FUS: variants seen among roughly 807,000 people sequenced by gnomAD.
The protein encoded by FUS is RNA-binding protein FUS.
Under a neutral mutation model 82.7 loss-of-function variants are expected in FUS, and 5 were observed. The observed-to-expected ratio is 0.06, with a 90% CI of 0.03 to 0.13. The LOEUF is 0.13. Among genes scored for constraint, FUS ranks in the 10% least tolerant of loss-of-function variants. The pLI is 1.00. For missense variants in FUS, 512 were observed against 707.8 expected (o/e 0.72, Z 3.14); for synonymous variants, 281 against 247.4 (o/e 1.14, Z -1.27).
chr16:31,181,794 C>G (rs946282731), intron 1 of FUS, among the ~76,000 whole-genome samples: 5 of 152,198 alleles, frequency 3.3e-5, no homozygotes, highest in African/African-American at 9.7e-5. Context: ...AGAGCAATCA[C>G]TGACATGAAT....
At chr16:31,192,297 G>T (rs1463053679), downstream of FUS, 4 of 527,214 alleles carry the variant, frequency 7.6e-6, no homozygotes, top group Non-Finnish European at 1.5e-5. Context: ...GTGATAAGAG[G>T]GGGAAGGGGT....
intron 9 of FUS, among the ~76,000 whole-genome samples, 161 bp from the exon 10 acceptor site, chr16:31,189,504 C>T (rs935904938): frequency 1.3e-5 from 2 of 152,108 alleles, no homozygotes; most frequent in South Asian, 4.1e-4. Context: ...GAGTGAGAGA[C>T]AGTTTTCTTT....
Position 31,190,392 on chromosome 16 carries a change from C to G in FUS, c.1286C>G (p.Pro429Arg). ...CAGCGAGCTGGTGACTGGAAGTGTC[C>G]TAATCCGTGAGTGAAACTTAATTTT... ...GQQRAGDWKC[P>R]NPTCENMNFS... The change falls in exon 12 of 15, where the codon CCT becomes CGT. Residue 429 changes from proline (P) to arginine (R), a missense_variant. Pro to Arg is a moderately radical substitution (Grantham distance 103). Transcript: ENST00000254108. 1 of 1,614,124 alleles carries G rather than the reference C, an allele frequency of 6.2e-7. No homozygotes were observed. Among genetic ancestry groups the G allele is most frequent in the South Asian group, 1.1e-5 (1 of 91,074 alleles).
Position 31,190,754 on chromosome 16 carries a change from T to C in FUS, c.1305T>C (p.Asn435=), listed in dbSNP as rs1426620895. ...CCTTTCTCCTTAGCACCTGTGAGAA[T>C]ATGAACTTCTCTTGGAGGAATGAAT... ...DWKCPNPTCE[N]MNFSWRNECN... Residue 435 remains asparagine (N), a synonymous_variant, in exon 13 of 15, where the codon AAT becomes AAC. Transcript: ENST00000254108. 1.2e-6 allele frequency: 2 copies of C among 1,613,956 alleles called. No homozygotes were observed. Among genetic ancestry groups the C allele is most frequent in the Non-Finnish European group, 1.7e-6 (2 of 1,179,934 alleles).
intron 14 of FUS, 107 bp from the exon 15 acceptor site, chr16:31,191,292 T>C (rs1326953435): frequency 6.6e-7 from 1 of 1,516,244 alleles, no homozygotes; most frequent in African/African-American, 1.4e-5. Flanking sequence ...CCACTTGAGA[T>C]AAGATACTCG....
chr16:31,188,148 C>T (rs913391463), intron 7 of FUS, 177 bp from the exon 8 acceptor site: 3 of 656,596 alleles, frequency 4.6e-6, no homozygotes, highest in Admixed American at 2.7e-5. Flanking sequence ...GAATTTTCTC[C>T]TCTGGGCAGG....
intron 8 of FUS, chr16:31,188,662 C>T (rs2079308023): frequency 1.9e-6 from 1 of 516,790 alleles, no homozygotes; most frequent in Non-Finnish European, 3.4e-6. Flanking sequence ...AGCAGTGGTT[C>T]TTTCAAAATG....
At chr16:31,184,615 T>C (rs564498575) in intron 5 of FUS, among the ~76,000 whole-genome samples, 1 of 152,186 alleles carries the variant, frequency 6.6e-6, no homozygotes, top group East Asian at 1.9e-4. Context: ...GGCTAATTTT[T>C]TGTATTTTTA....
downstream of FUS, chr16:31,193,558 C>T (rs748396678): frequency 2.6e-5 from 14 of 530,130 alleles, no homozygotes; most frequent in South Asian, 1.7e-4. Flanking sequence ...GATATGATTA[C>T]TGGGACCATT....
At chr16:31,183,287 AAAAC>A (rs2079209134) in intron 3 of FUS, 1 of 170,308 alleles carries the variant, frequency 5.9e-6, no homozygotes, top group Admixed American at 5.5e-5. Context: ...CATAAAAAAA[AAAAC>A]AAAAAACAAA....
At chr16:31,186,568 C>T (rs541694663) in intron 6 of FUS, 7 of 579,792 alleles carry the variant, frequency 1.2e-5, no homozygotes, top group East Asian at 5.6e-5. Flanking sequence ...AAATAGATAA[C>T]GTAACCTTTT....
chr16:31,183,560 C>T lies in FUS; in HGVS notation c.191-298C>T, dbSNP rs1401024148. ...TGTCCTGTAGATACTGCACGCACAG[C>T]TGCATATTACAGTGCTGTTAACAGG... On this transcript the variant is annotated intron_variant, in intron 3 of 14. Coordinates refer to ENST00000254108, the MANE Select transcript of FUS (RefSeq NM_004960.4). 48 of 431,880 alleles carry T rather than the reference C, an allele frequency of 1.1e-4. 1 individual carries two copies. In the East Asian group the frequency reaches 2.2e-3, roughly 20 times the overall value. The allele number at this position is 431,880 out of a possible 1,614,324, so 26.8% of individuals were successfully genotyped here. A position where few individuals can be genotyped will look rare whatever the true frequency, so the allele number is the denominator to read the frequency against.
chr16:31,181,785 G>T (rs887768756), intron 1 of FUS, among the ~76,000 whole-genome samples: 1 of 152,178 alleles, frequency 6.6e-6, no homozygotes, highest in Non-Finnish European at 1.5e-5. Flanking sequence ...CGATGTTTTA[G>T]AGCAATCACT....
At position 31,180,186 on chromosome 16, in the gene FUS, C is replaced by T. The variant is rs754145947; in HGVS notation, c.-29C>T. The T allele has an allele frequency of 1.7e-5, 27 of 1,608,648 alleles. No homozygotes were observed. The highest frequency in any genetic ancestry group is 5.5e-5 in the South Asian group (5 of 90,224). ...ACTCAGCGGTGTTGGAACTTCGTTG[C>T]TTGCTTGCCTGTGCGCGCGTGCGCG... is the stretch of plus-strand genomic sequence containing the variant. On this transcript the variant is annotated 5_prime_UTR_variant, in exon 1 of 15. Coordinates refer to ENST00000254108, the MANE Select transcript of FUS (RefSeq NM_004960.4).
At chr16:31,184,803 T>C in intron 5 of FUS, 136 bp from the exon 6 acceptor site, 3 of 911,056 alleles carry the variant, frequency 3.3e-6, no homozygotes, top group Admixed American at 2.1e-5. Flanking sequence ...AGAGGGTTCC[T>C]GTCTTGTTTC....
At position 31,185,163 on chromosome 16, in the gene FUS, G is replaced by A. The variant is rs776429423; in HGVS notation, c.748G>A (p.Gly250Ser). Residue 250 changes from glycine (G) to serine (S), a missense_variant, in exon 6 of 15, where the codon GGC (glycine) becomes AGC (serine). Physicochemically the swap from Gly to Ser is moderately conservative, Grantham distance 56. This residue lies in a region of FUS where 51 missense variants were observed against 72.2 expected (regional missense o/e 0.71). Coordinates refer to ENST00000254108, the MANE Select transcript of FUS (RefSeq NM_004960.4). Reference sequence around the variant, plus strand: ...CAGAGGTCGTGGAGGTGGCCGTGGAGGCAGAGGTGGCATGGGGTAGGTGTC... The same window carrying A: ...CAGAGGTCGTGGAGGTGGCCGTGGAAGCAGAGGTGGCATGGGGTAGGTGTC... Reference protein sequence around the residue: ...EPRGRGGGRGGRGGMGGSDRG... With the variant: ...EPRGRGGGRGSRGGMGGSDRG... 2 of 1,609,982 alleles carry A rather than the reference G, an allele frequency of 1.2e-6. No homozygotes were observed. Among genetic ancestry groups the A allele is most frequent in the South Asian group, 1.1e-5 (1 of 90,604 alleles).
At position 31,191,488 on chromosome 16, in the gene FUS, G is replaced by A; in HGVS notation, c.*50G>A. On this transcript the variant is annotated 3_prime_UTR_variant, in exon 15 of 15. Transcript: ENST00000254108. The stretch of plus-strand genomic sequence containing the variant: ...AACAGCTTTTTGTCCTGTACCCAGT[G>A]TTACCCTCGTTATTTTGTAACCTTC... 1 of 1,588,972 alleles carries A rather than the reference G, an allele frequency of 6.3e-7. No individual in the cohort carries two copies. The highest frequency in any genetic ancestry group is 8.6e-7 in the Non-Finnish European group (1 of 1,157,890).
At chr16:31,193,852 G>A, downstream of FUS, 1 of 524,456 alleles carries the variant, frequency 1.9e-6, no homozygotes, top group South Asian at 1.5e-5. Flanking sequence ...GTTTCACTGG[G>A]TTGCCCAGGC....
At chr16:31,180,123 C>A (rs1371167654), upstream of FUS, 2 of 1,547,384 alleles carry the variant, frequency 1.3e-6, no homozygotes, top group Non-Finnish European at 1.8e-6. Flanking sequence ...TAAGCTTCGA[C>A]GCAGGAGGCG....
Sources: allele counts gnomAD v4.1 joint callset (sites outside exome capture counted in the v4.1 genomes callset), GRCh38; gene constraint gnomAD v4.1.1; regional missense constraint gnomAD v4.1.1; transcripts MANE v1.5; gene names NCBI Gene and HGNC (gene_info 2026-07-23, HGNC 2026-07-21).